SYNRG: variants seen among roughly 807,000 people sequenced by gnomAD.
SYNRG encodes AP1 gamma subunit binding protein 1.
Under a neutral mutation model 130.9 loss-of-function variants are expected in SYNRG, and 37 were observed. That is an observed-to-expected ratio of 0.28 (90% confidence interval 0.22 to 0.37). The LOEUF is 0.37. Ranked by LOEUF, SYNRG falls within the 10% of genes least tolerant of loss-of-function variation. The pLI is 1.00. For synonymous variants in SYNRG, 539 were observed against 568.1 expected, an observed-to-expected ratio of 0.95 and a Z score of 0.73; for missense variants, 1,338 against 1,588.9, an observed-to-expected ratio of 0.84 and a Z score of 2.68.
chr17:37,575,782 G>T (rs2060783334), intron 8 of SYNRG, among the ~76,000 whole-genome samples: 1 of 149,514 alleles, frequency 6.7e-6, no homozygotes, highest in African/African-American at 2.5e-5. Context: ...GGTCAAGGCT[G>T]CAGTGAGCCA....
chr17:37,572,387 C>G (rs1222294872), intron 8 of SYNRG, among the ~76,000 whole-genome samples: 1 of 151,440 alleles, frequency 6.6e-6, no homozygotes, highest in Non-Finnish European at 1.5e-5. Flanking sequence ...GATCACGACT[C>G]TGCACTCTGC....
chr17:37,532,094 T>C (rs1425498540), intron 19 of SYNRG, among the ~76,000 whole-genome samples: 1 of 152,274 alleles, frequency 6.6e-6, no homozygotes, highest in Non-Finnish European at 1.5e-5. Context: ...TTGGAATTAC[T>C]GAGTCAGCTA....
Position 37,553,771 on chromosome 17 carries a change from G to A in SYNRG, c.1952C>T (p.Ser651Phe). ...KSVSTPQSTG[S>F]AATMTALAAT... ...TGCCAATGCTGTCATAGTAGCAGCAGAACCTGTTGACTGTGGTGTAGAAAC... is the reference window on the plus strand; with the variant it reads ...TGCCAATGCTGTCATAGTAGCAGCAAAACCTGTTGACTGTGGTGTAGAAAC... The change falls in exon 14 of 22, where the codon TCT (serine) becomes TTT (phenylalanine). Residue 651 changes from serine to phenylalanine, a missense_variant. Physicochemically the swap from Ser to Phe is radical, Grantham distance 155 (BLOSUM62 -2). Transcript: ENST00000612223. 6.2e-7 allele frequency: 1 copy of A among 1,612,434 alleles called. No homozygotes were observed.
At chr17:37,543,173 G>C (rs1013890014) in intron 14 of SYNRG, among the ~76,000 whole-genome samples, 2 of 151,962 alleles carry the variant, frequency 1.3e-5, no homozygotes, top group African/African-American at 4.8e-5. Flanking sequence ...TTGTTATTTT[G>C]GTCAAATTGG....
At chr17:37,548,184 G>T (rs2058430722) in intron 14 of SYNRG, among the ~76,000 whole-genome samples, 1 of 152,084 alleles carries the variant, frequency 6.6e-6, no homozygotes, top group Non-Finnish European at 1.5e-5. Context: ...AAATTCCTCA[G>T]TCAAAGCCAT....
intron 6 of SYNRG, among the ~76,000 whole-genome samples, chr17:37,579,982 T>C (rs2061164908): frequency 6.6e-6 from 1 of 152,208 alleles, no homozygotes; most frequent in Non-Finnish European, 1.5e-5. Context: ...AGATTAATAA[T>C]TTTTCCCCTG....
chr17:37,570,633 T>A lies in SYNRG; in HGVS notation c.1347+4A>T, dbSNP rs1568428563. 1.2e-6 allele frequency: 2 copies of A among 1,608,290 alleles called. No homozygotes were observed. The highest frequency in any genetic ancestry group is 3.4e-5 in the Admixed American group (2 of 58,628). The stretch of plus-strand genomic sequence containing the variant: ...TCTGAAATATGCACAGCTTCGCCAT[T>A]TACCTGATTTGCAGGGTAGGTTGGT... On this transcript the variant is annotated splice_donor_region_variant and intron_variant, in intron 10 of 21. Coordinates refer to ENST00000612223, the MANE Select transcript of SYNRG (RefSeq NM_007247.6).
At chr17:37,601,627 A>T (rs2063294222) in intron 1 of SYNRG, among the ~76,000 whole-genome samples, 1 of 152,050 alleles carries the variant, frequency 6.6e-6, no homozygotes, top group Admixed American at 6.5e-5. Flanking sequence ...AGCGTAAGAA[A>T]GCTCTCTTCT....
chr17:37,558,535 T>C lies in SYNRG; in HGVS notation c.1663+2660A>G, dbSNP rs116886991. On this transcript the variant is annotated intron_variant, in intron 13 of 21. Coordinates refer to ENST00000612223, the MANE Select transcript of SYNRG (RefSeq NM_007247.6). ...ACAAACATAACTTTCAGTTTTTACATATATGACTCCCAAATGATCATTTTA... is the reference window on the plus strand; with the variant it reads ...ACAAACATAACTTTCAGTTTTTACACATATGACTCCCAAATGATCATTTTA... Among the ~76,000 whole-genome samples the C allele has an allele frequency of 4.4e-3, 671 of 152,330 alleles. 2 individuals are homozygous for C. Among genetic ancestry groups the C allele is most frequent in the Non-Finnish European group, 7.5e-3 (510 of 68,036 alleles).
At chr17:37,579,451 G>A in intron 6 of SYNRG, 1 of 1,301,940 alleles carries the variant, frequency 7.7e-7, no homozygotes, top group South Asian at 1.2e-5. Flanking sequence ...AATGGAAAAT[G>A]GCAATGAAAC....
At chr17:37,522,035 CT>C (rs2055139113) in intron 19 of SYNRG, among the ~76,000 whole-genome samples, 1 of 151,832 alleles carries the variant, frequency 6.6e-6, no homozygotes, top group South Asian at 2.1e-4. Flanking sequence ...GTGGAGAGAT[CT>C]GAAGGTCACC....
At chr17:37,540,630 CTTTTTTTTT>C (rs767724523) in intron 15 of SYNRG, 87 bp from the exon 16 acceptor site, 36 of 695,994 alleles carry the variant, frequency 5.2e-5, no homozygotes, top group East Asian at 1.7e-4. Flanking sequence ...CAACCCTCTT[CTTTTTTTTT>C]TTTTTTTTTT....
intron 14 of SYNRG, among the ~76,000 whole-genome samples, chr17:37,552,162 C>G (rs930284289): frequency 6.6e-6 from 1 of 152,258 alleles, no homozygotes; most frequent in East Asian, 1.9e-4. Context: ...ACGTGTCCCC[C>G]CTAGTTAGAC....
At chr17:37,573,699 G>A (rs2060607724) in intron 8 of SYNRG, among the ~76,000 whole-genome samples, 1 of 152,102 alleles carries the variant, frequency 6.6e-6, no homozygotes, top group Non-Finnish European at 1.5e-5. Flanking sequence ...ATCAGAAAAT[G>A]CATTTGAATG....
chr17:37,544,578 G>A (rs1470191031), intron 14 of SYNRG, among the ~76,000 whole-genome samples: 2 of 152,146 alleles, frequency 1.3e-5, no homozygotes, highest in Non-Finnish European at 2.9e-5. Context: ...GCCTCCCAAA[G>A]TGCTGGAATT....
rs1435121026 is a variant in SYNRG at position 37,517,220 on chromosome 17, AAAAC to A, written c.*1716_*1719del. 6.5e-6 allele frequency: 1 copy of A among 152,906 alleles called. No homozygotes were observed. Among genetic ancestry groups the A allele is most frequent in the African/African-American group, 2.4e-5 (1 of 41,474 alleles). The allele number at this position is 152,906 out of a possible 1,614,324, so 9.5% of individuals were successfully genotyped here. A position where few individuals can be genotyped will look rare whatever the true frequency, so the allele number is the denominator to read the frequency against. On this transcript the variant is annotated 3_prime_UTR_variant, in exon 22 of 22. Coordinates refer to ENST00000612223, the MANE Select transcript of SYNRG (RefSeq NM_007247.6). Reference sequence around the variant, plus strand: ...CAAGAGTGAAACTCCATCTCAAAAAAAAACAAAGAATTTTTAAGGCCAATTAGCA... The same window carrying A: ...CAAGAGTGAAACTCCATCTCAAAAAAAAAGAATTTTTAAGGCCAATTAGCA...
intron 1 of SYNRG, among the ~76,000 whole-genome samples, chr17:37,605,402 G>A (rs1389793173): frequency 6.6e-6 from 1 of 152,158 alleles, no homozygotes; most frequent in Admixed American, 6.5e-5. Context: ...GAAGCTCTGT[G>A]CAATCTCCTT....
intron 2 of SYNRG, among the ~76,000 whole-genome samples, chr17:37,597,705 G>A (rs937132116): frequency 2.0e-5 from 3 of 152,218 alleles, no homozygotes; most frequent in Admixed American, 2.0e-4. Flanking sequence ...GAGCAGAGGT[G>A]AATGAATATA....
chr17:37,605,496 A>C (rs1356205601), intron 1 of SYNRG, among the ~76,000 whole-genome samples: 1 of 152,242 alleles, frequency 6.6e-6, no homozygotes, highest in Non-Finnish European at 1.5e-5. Flanking sequence ...TCACATAGAC[A>C]TGAATACATA....
Sources: allele counts gnomAD v4.1 joint callset (sites outside exome capture counted in the v4.1 genomes callset), GRCh38; gene constraint gnomAD v4.1.1; transcripts MANE v1.5; gene names NCBI Gene and HGNC (gene_info 2026-07-23, HGNC 2026-07-21).